SLC71A2: variants seen among roughly 807,000 people sequenced by gnomAD.
SLC71A2 encodes the protein solute carrier family 71 member 2.
the SLC71A2 span, among the ~76,000 whole-genome samples, chr9:94,430,160 C>T: frequency 7.9e-5 from 12 of 151,056 alleles, no homozygotes; most frequent in African/African-American, 2.9e-4. Flanking sequence ...GCCTTGGCCT[C>T]CCAAAGTGCT....
chr9:94,385,266 T>C, the SLC71A2 span, among the ~76,000 whole-genome samples: 1 of 152,236 alleles, frequency 6.6e-6, no homozygotes, highest in Non-Finnish European at 1.5e-5. Context: ...ATTTTGACTT[T>C]GTTGCCTGGG....
the SLC71A2 span, chr9:94,459,092 TC>T: frequency 6.6e-7 from 1 of 1,507,958 alleles, no homozygotes; most frequent in Non-Finnish European, 9.0e-7. Context: ...TTTTGGGTAA[TC>T]TAGGAATAAT....
At chr9:94,445,777 A>G in the SLC71A2 span, among the ~76,000 whole-genome samples, 1 of 152,050 alleles carries the variant, frequency 6.6e-6, no homozygotes, top group Admixed American at 6.5e-5. Flanking sequence ...GGGAAAAAAA[A>G]AGTTTGTAGA....
chr9:94,440,396 G>T, the SLC71A2 span, among the ~76,000 whole-genome samples: 1 of 151,800 alleles, frequency 6.6e-6, no homozygotes, highest in East Asian at 1.9e-4. Context: ...CTCGTGATCC[G>T]CCCACCTTTT....
the SLC71A2 span, among the ~76,000 whole-genome samples, chr9:94,452,053 C>G: frequency 6.6e-6 from 1 of 152,186 alleles, no homozygotes; most frequent in Non-Finnish European, 1.5e-5. Flanking sequence ...AACTTTGATA[C>G]AACTTTCCCT....
At chr9:94,398,727 GC>G in the SLC71A2 span, among the ~76,000 whole-genome samples, 5 of 136,236 alleles carry the variant, frequency 3.7e-5, no homozygotes, top group Admixed American at 3.8e-4. Flanking sequence ...ATGCTTTAAG[GC>G]CCAGGAAAGG....
chr9:94,429,168 ATGT>A, the SLC71A2 span: 1 of 1,604,464 alleles, frequency 6.2e-7, no homozygotes, highest in Admixed American at 1.7e-5. Context: ...ATTTGTCTTG[ATGT>A]TTGTTTGCTT....
the SLC71A2 span, among the ~76,000 whole-genome samples, chr9:94,410,930 C>T: frequency 2.0e-5 from 3 of 152,108 alleles, no homozygotes; most frequent in African/African-American, 7.2e-5. Context: ...CACGCCTGGC[C>T]AATTTTTGTA....
chr9:94,418,964 C>T, the SLC71A2 span, among the ~76,000 whole-genome samples: 1 of 152,048 alleles, frequency 6.6e-6, no homozygotes, highest in Non-Finnish European at 1.5e-5. Flanking sequence ...TTGAAGTTTT[C>T]GTCTGCAATA....
chr9:94,401,944 C>T, the SLC71A2 span, among the ~76,000 whole-genome samples: 1 of 152,168 alleles, frequency 6.6e-6, no homozygotes. Context: ...TTATTCATGC[C>T]TCCCCCTTTT....
the SLC71A2 span, among the ~76,000 whole-genome samples, chr9:94,378,540 A>C: frequency 6.6e-6 from 1 of 152,020 alleles, no homozygotes; most frequent in East Asian, 1.9e-4. Context: ...AGACAGGAGA[A>C]TTGTTTGAAA....
the SLC71A2 span, chr9:94,459,132 T>C: frequency 6.2e-7 from 1 of 1,605,824 alleles, no homozygotes; most frequent in Non-Finnish European, 8.5e-7. Flanking sequence ...CTGTATTCTT[T>C]GTCTCCACTT....
the SLC71A2 span, among the ~76,000 whole-genome samples, chr9:94,449,773 C>A: frequency 6.6e-6 from 1 of 152,200 alleles, no homozygotes; most frequent in Non-Finnish European, 1.5e-5. Context: ...GAAACTTGTA[C>A]ACAGATTATC....
At chr9:94,461,042 A>ATTT in the SLC71A2 span, 6 of 152,156 alleles carry the variant, frequency 3.9e-5, no homozygotes, top group Non-Finnish European at 8.8e-5. Context: ...TTTCAAAAAA[A>ATTT]TTTTATTTTT....
chr9:94,399,807 C>CT, the SLC71A2 span, among the ~76,000 whole-genome samples: 4,804 of 140,750 alleles, frequency 0.034, 202 homozygotes, highest in East Asian at 0.25. Context: ...GGGAAAAAGC[C>CT]TTTTTTTTTT....
the SLC71A2 span, among the ~76,000 whole-genome samples, chr9:94,375,120 C>T: frequency 6.6e-6 from 1 of 151,936 alleles, no homozygotes; most frequent in East Asian, 1.9e-4. Flanking sequence ...CAAAACTTTA[C>T]AGGATTTGGT....
the SLC71A2 span, among the ~76,000 whole-genome samples, chr9:94,454,930 C>G: frequency 6.6e-6 from 1 of 151,944 alleles, no homozygotes; most frequent in Non-Finnish European, 1.5e-5. Flanking sequence ...TAGAAGGAAT[C>G]GTGAGTTTTG....
At chr9:94,435,437 G>A in the SLC71A2 span, among the ~76,000 whole-genome samples, 1 of 152,082 alleles carries the variant, frequency 6.6e-6, no homozygotes, top group Admixed American at 6.6e-5. Flanking sequence ...CAGCAGTTAT[G>A]CCTTTTTTCC....
At chr9:94,455,156 C>CTTTTTTTTTTTTTTTTTTTTTTTTT in the SLC71A2 span, among the ~76,000 whole-genome samples, 1 of 27,686 alleles carries the variant, frequency 3.6e-5, no homozygotes, top group Non-Finnish European at 5.7e-5. Context: ...TTGCTCTTTC[C>CTTTTTTTTTTTTTTTTTTTTTTTTT]TTTTTTTTTT....
Sources: allele counts gnomAD v4.1 joint callset (sites outside exome capture counted in the v4.1 genomes callset), GRCh38; gene constraint gnomAD v4.1.1; transcripts MANE v1.5; gene names NCBI Gene and HGNC (gene_info 2026-07-23, HGNC 2026-07-21).